The following PDE4B variants were observed in gnomAD, a reference collection of about 807,000 sequenced individuals.
PDE4B encodes 3',5'-cyclic-AMP phosphodiesterase 4B.
In PDE4B, 20 loss-of-function variants were observed where a neutral mutation model predicts 82.2. The observed-to-expected ratio is 0.24, with a 90% CI of 0.17 to 0.35. PDE4B has a LOEUF of 0.35. PDE4B is among the 10% of genes least tolerant of loss of function. The pLI is 1.00. For missense variants in PDE4B, 655 were observed against 907.2 expected, an observed-to-expected ratio of 0.72 and a Z score of 3.57; for synonymous variants, 320 against 318.9, an observed-to-expected ratio of 1.00 and a Z score of -0.04.
intron 3 of PDE4B, among the ~76,000 whole-genome samples, chr1:66,198,152 T>C (rs1411265370): frequency 6.6e-6 from 1 of 152,118 alleles, no homozygotes; most frequent in Non-Finnish European, 1.5e-5. Context: ...AGACTTAAGA[T>C]CAAACCAAGC....
intron 3 of PDE4B, among the ~76,000 whole-genome samples, chr1:66,038,707 A>G (rs1321499010): frequency 6.6e-6 from 1 of 152,074 alleles, no homozygotes; most frequent in East Asian, 1.9e-4. Flanking sequence ...TTGAACAGGG[A>G]GGAAACTGGT....
chr1:66,357,913 A>G (rs1662388190), intron 9 of PDE4B, among the ~76,000 whole-genome samples: 1 of 152,176 alleles, frequency 6.6e-6, no homozygotes, highest in Non-Finnish European at 1.5e-5. Context: ...GGCCATCTAG[A>G]TTCTCTGTGG....
chr1:65,883,321 T>C (rs1646731983), intron 1 of PDE4B, among the ~76,000 whole-genome samples: 1 of 152,184 alleles, frequency 6.6e-6, no homozygotes, highest in African/African-American at 2.4e-5. Context: ...TTGTATCCTC[T>C]TTTATTTCGC....
chr1:65,887,903 G>C (rs968335207), intron 1 of PDE4B, among the ~76,000 whole-genome samples: 1 of 152,102 alleles, frequency 6.6e-6, no homozygotes, highest in African/African-American at 2.4e-5. Context: ...CAGATTGTCT[G>C]TTCACTAAGT....
intron 3 of PDE4B, among the ~76,000 whole-genome samples, chr1:66,038,146 G>C (rs577378087): frequency 2.0e-5 from 3 of 152,200 alleles, no homozygotes; most frequent in Admixed American, 2.0e-4. Flanking sequence ...CAGGGGGTAG[G>C]ATTCATTTAT....
chr1:65,829,051 A>G (rs1283061287), intron 1 of PDE4B, among the ~76,000 whole-genome samples: 1 of 151,894 alleles, frequency 6.6e-6, no homozygotes, highest in Non-Finnish European at 1.5e-5. Flanking sequence ...TCTGTATGCA[A>G]TGTACGAACA....
chr1:66,283,986 A>G (rs1656486054), intron 7 of PDE4B, among the ~76,000 whole-genome samples: 1 of 152,224 alleles, frequency 6.6e-6, no homozygotes, highest in Non-Finnish European at 1.5e-5. Context: ...TGAATCAGGC[A>G]TTATGCCTGG....
chr1:66,323,598 T>G (rs1189562601), intron 7 of PDE4B, among the ~76,000 whole-genome samples: 1 of 152,184 alleles, frequency 6.6e-6, no homozygotes, highest in Non-Finnish European at 1.5e-5. Flanking sequence ...CAATAAATAA[T>G]AGCCAACATT....
rs189148964 is a variant in PDE4B, at chr1:65,852,833, C to T, written c.-71+59585C>T. Reference sequence around the variant, plus strand: ...CTATTATATCTCTTGGTACACTTTTCATATACTTGAAGACAATTTGGATTC... The same window carrying T: ...CTATTATATCTCTTGGTACACTTTTTATATACTTGAAGACAATTTGGATTC... On this transcript the variant is annotated intron_variant, in intron 1 of 16. Coordinates refer to ENST00000341517, the MANE Select transcript of PDE4B (RefSeq NM_002600.4). 3.2e-3 allele frequency among the ~76,000 whole-genome samples: 480 copies of T among 152,024 alleles called. 4 individuals carry two copies. The highest frequency in any genetic ancestry group is 0.011 in the African/African-American group (454 of 41,506).
At chr1:66,319,882 C>T (rs1280189188) in intron 7 of PDE4B, among the ~76,000 whole-genome samples, 1 of 152,092 alleles carries the variant, frequency 6.6e-6, no homozygotes, top group Non-Finnish European at 1.5e-5. Context: ...CCAATGGTTC[C>T]TTCTTGCCTG....
chr1:66,181,565 T>C (rs1027381357), intron 3 of PDE4B, among the ~76,000 whole-genome samples: 15 of 152,356 alleles, frequency 9.8e-5, no homozygotes, highest in African/African-American at 3.4e-4. Context: ...TCTGTGTTTC[T>C]TACCCTTGGC....
intron 7 of PDE4B, among the ~76,000 whole-genome samples, chr1:66,319,772 A>G (rs1468761387): frequency 6.6e-6 from 1 of 152,234 alleles, no homozygotes; most frequent in Non-Finnish European, 1.5e-5. Context: ...GATAATGCAT[A>G]AGAAAGTGGT....
chr1:66,355,012 C>T, intron 8 of PDE4B: 1 of 815,600 alleles, frequency 1.2e-6, no homozygotes, highest in South Asian at 1.7e-5. Context: ...ATTTAACCCA[C>T]TGGGACCTCT....
At chr1:66,222,974 T>G (rs1651119788) in intron 3 of PDE4B, among the ~76,000 whole-genome samples, 1 of 152,192 alleles carries the variant, frequency 6.6e-6, no homozygotes, top group South Asian at 2.1e-4. Context: ...GTTTTTCTGC[T>G]TGTGAACTCA....
chr1:66,200,632 AT>A (rs1180626639), intron 3 of PDE4B, among the ~76,000 whole-genome samples: 1 of 151,996 alleles, frequency 6.6e-6, no homozygotes, highest in Non-Finnish European at 1.5e-5. Flanking sequence ...TTCACTCATG[AT>A]TTGGCTCTCT....
At chr1:65,863,374 T>A (rs947834115) in intron 1 of PDE4B, among the ~76,000 whole-genome samples, 1 of 152,186 alleles carries the variant, frequency 6.6e-6, no homozygotes, top group Non-Finnish European at 1.5e-5. Context: ...AGAGACTGTA[T>A]GTTATGATTT....
intron 3 of PDE4B, among the ~76,000 whole-genome samples, chr1:65,984,539 A>G (rs1033879385): frequency 5.3e-5 from 8 of 152,186 alleles, no homozygotes; most frequent in Admixed American, 1.3e-4. Context: ...TTCAAAAAAT[A>G]TATGTTCTTG....
intron 1 of PDE4B, among the ~76,000 whole-genome samples, chr1:65,837,779 G>A (rs546779173): frequency 5.3e-5 from 8 of 151,958 alleles, no homozygotes; most frequent in Non-Finnish European, 4.4e-5. Flanking sequence ...ATGCAGATTT[G>A]TTACATAGGT....
intron 3 of PDE4B, among the ~76,000 whole-genome samples, chr1:66,203,274 C>T (rs992492927): frequency 3.9e-5 from 6 of 152,082 alleles, no homozygotes; most frequent in Admixed American, 6.5e-5. Flanking sequence ...TCTGGCTGCC[C>T]TTAACATTTT....
Sources: gnomAD v4.1 joint callset for allele counts (sites outside exome capture counted in the v4.1 genomes callset) on GRCh38, gnomAD v4.1.1 for gene constraint, MANE v1.5 for transcripts, NCBI Gene and HGNC (gene_info 2026-07-23, HGNC 2026-07-21) for gene names.